The following WDR11 variants were observed in gnomAD, a reference collection of about 807,000 sequenced individuals.
WDR11 encodes the protein WD repeat-containing protein 11.
Under a neutral mutation model 151.2 loss-of-function variants are expected in WDR11, and 83 were observed. That is an observed-to-expected ratio of 0.55 (90% CI 0.46 to 0.66). The LOEUF is 0.66. WDR11 is among the 30% of genes least tolerant of loss of function. The probability of loss-of-function intolerance (pLI) is 0.00; values close to 1 mark genes in which losing one functional copy is unlikely to be tolerated. For synonymous variants in WDR11, 484 were observed against 533.1 expected (o/e 0.91, Z 1.27); for missense variants, 1,301 against 1,480.9 (o/e 0.88, Z 1.99).
chr10:120,865,907 T>G (rs1846295623), intron 7 of WDR11, among the ~76,000 whole-genome samples, 163 bp downstream of exon 7: 1 of 152,170 alleles, frequency 6.6e-6, no homozygotes, highest in African/African-American at 2.4e-5. Flanking sequence ...AAGCCCAAGA[T>G]TAATCTCTTG....
At chr10:120,901,444 G>A (rs982230580) in intron 21 of WDR11, among the ~76,000 whole-genome samples, 1 of 152,150 alleles carries the variant, frequency 6.6e-6, no homozygotes, top group African/African-American at 2.4e-5. Flanking sequence ...GAGACGAATC[G>A]CAGGGTGATT....
chr10:120,885,800 C>T lies in WDR11; in HGVS notation c.1849-14C>T, dbSNP rs977986163. ...AACCTAGCACTTCTAGGTTTGTCTG[C>T]ATTTGCTTTACAGGAGTGGTCACCA... On this transcript the variant is annotated splice_polypyrimidine_tract_variant and intron_variant, in intron 14 of 28. Transcript: ENST00000263461. 13 of 1,613,348 alleles carry T rather than the reference C, an allele frequency of 8.1e-6. No individual in the cohort carries two copies. Among genetic ancestry groups the T allele is most frequent in the Non-Finnish European group, 1.1e-5 (13 of 1,179,470 alleles).
chr10:120,856,640 T>G (rs1254335633), intron 2 of WDR11, among the ~76,000 whole-genome samples: 1 of 151,742 alleles, frequency 6.6e-6, no homozygotes, highest in African/African-American at 2.4e-5. Flanking sequence ...GATGAAAAAT[T>G]TTTGTTTTTG....
At chr10:120,901,232 T>C in intron 21 of WDR11, 134 bp downstream of exon 21, 1 of 795,174 alleles carries the variant, frequency 1.3e-6, no homozygotes, top group South Asian at 1.6e-5. Flanking sequence ...CCATTCTGTT[T>C]AGAGGTTTGC....
intron 19 of WDR11, among the ~76,000 whole-genome samples, chr10:120,894,006 G>A (rs1194481048): frequency 4.0e-5 from 6 of 151,858 alleles, no homozygotes; most frequent in Non-Finnish European, 5.9e-5. Flanking sequence ...CTGTGCAGAA[G>A]CTCTTTAGTT....
intron 19 of WDR11, among the ~76,000 whole-genome samples, chr10:120,892,126 C>T (rs1847447992): frequency 6.6e-6 from 1 of 152,170 alleles, no homozygotes; most frequent in East Asian, 1.9e-4. Context: ...TTTTCCTTCA[C>T]TTTTAATATA....
intron 11 of WDR11, among the ~76,000 whole-genome samples, chr10:120,877,314 A>C (rs1590083026): frequency 2.0e-5 from 3 of 152,302 alleles, no homozygotes; most frequent in South Asian, 2.1e-4. Context: ...TTTTTATATG[A>C]ATTTTTCCTC....
chr10:120,895,183 C>G (rs1847566785), intron 19 of WDR11, among the ~76,000 whole-genome samples: 1 of 152,042 alleles, frequency 6.6e-6, no homozygotes. Context: ...CTGAACCATT[C>G]CAAGATTATT....
intron 19 of WDR11, among the ~76,000 whole-genome samples, chr10:120,893,847 C>A (rs1426647151): frequency 6.6e-6 from 1 of 150,734 alleles, no homozygotes; most frequent in South Asian, 2.1e-4. Context: ...CCTTCGCCCA[C>A]TTTTTGATGG....
intron 28 of WDR11, 112 bp from the exon 29 acceptor site, chr10:120,908,444 C>A: frequency 8.9e-7 from 1 of 1,128,836 alleles, no homozygotes; most frequent in Non-Finnish European, 1.3e-6. Context: ...GACACCAGGT[C>A]CCTTCCGAGC....
Position 120,890,761 on chromosome 10 carries a change from C to T in WDR11, c.2389C>T (p.Arg797Cys), listed in dbSNP as rs768541577. 6.2e-6 allele frequency: 10 copies of T among 1,614,006 alleles called. No individual in the cohort carries two copies. The highest frequency in any genetic ancestry group is 3.3e-5 in the Admixed American group (2 of 60,002). ...SLRSGRNVTF[R>C]ILDVDWCTSD... ...AAGAAGTGGCAGAAATGTGACCTTTCGTATATTGGATGTGGACTGGTGTAC... is the reference window on the plus strand; with the variant it reads ...AAGAAGTGGCAGAAATGTGACCTTTTGTATATTGGATGTGGACTGGTGTAC... Residue 797 changes from arginine to cysteine, a missense_variant, in exon 19 of 29, where the codon CGT becomes TGT. This residue lies in a region of WDR11 where 589 missense variants were observed against 670.6 expected (regional missense o/e 0.88). Transcript: ENST00000263461.
intron 13 of WDR11, among the ~76,000 whole-genome samples, chr10:120,882,380 A>G (rs1847040081): frequency 6.6e-6 from 1 of 151,864 alleles, no homozygotes; most frequent in South Asian, 2.1e-4. Context: ...TCAGGGTAAT[A>G]CTGACCTTGC....
At chr10:120,869,109 T>G (rs1018191699) in intron 9 of WDR11, among the ~76,000 whole-genome samples, 21 of 138,044 alleles carry the variant, frequency 1.5e-4, no homozygotes, top group African/African-American at 2.9e-4. Flanking sequence ...ATTACAGGTT[T>G]TTTTTTTTTT....
chr10:120,890,250 T>C (rs907163790), intron 18 of WDR11, among the ~76,000 whole-genome samples: 16 of 152,184 alleles, frequency 1.1e-4, no homozygotes, highest in African/African-American at 3.9e-4. Context: ...TTCACTCTTG[T>C]CGCCCAGGCT....
At chr10:120,864,498 C>A (rs996053029) in intron 5 of WDR11, among the ~76,000 whole-genome samples, 3 of 152,058 alleles carry the variant, frequency 2.0e-5, no homozygotes, top group African/African-American at 7.2e-5. Flanking sequence ...TATTTACACA[C>A]AAGAAAATGC....
At chr10:120,857,662 G>A (rs958291668) in intron 2 of WDR11, among the ~76,000 whole-genome samples, 5 of 152,162 alleles carry the variant, frequency 3.3e-5, no homozygotes, top group Non-Finnish European at 4.4e-5. Context: ...GAATACTACT[G>A]CAATTGGTTG....
chr10:120,880,591 G>A (rs1379389298), intron 12 of WDR11: 5 of 444,082 alleles, frequency 1.1e-5, no homozygotes, highest in East Asian at 4.5e-5. Context: ...CCTGGGAGGC[G>A]GAGGTTGCAG....
rs1374015947 is a variant in WDR11, at chr10:120,865,150, C to G, written c.817C>G (p.Leu273Val). The G allele has an allele frequency of 3.1e-6, 5 of 1,613,780 alleles. No individual in the cohort carries two copies. The South Asian group carries it at 3.3e-5, about 11-fold the overall frequency. ...TCCTCGAGAGATTTTAATCCTTGAC[C>G]TTGAGGTGAATCAGACGGTGGGTGT... ...LYPREILILD[L>V]EVNQTVGVIA... Residue 273 changes from leucine (L) to valine (V), a missense_variant, in exon 6 of 29, where the codon CTT (leucine) becomes GTT (valine). Transcript: ENST00000263461.
rs1400418923 is a variant in WDR11, at chr10:120,874,188, TTTTTGTTGTTGTTGTTGTTGTTTG to T, written c.1556+273_1556+296del. Among the ~76,000 whole-genome samples, 181 of 90,846 alleles carry T rather than the reference TTTTTGTTGTTGTTGTTGTTGTTTG, an allele frequency of 2.0e-3. 3 individuals are homozygous for T. The highest frequency in any genetic ancestry group is 3.6e-3 in the Non-Finnish European group (155 of 42,952). 59.6% of individuals were successfully genotyped at this position (90,846 alleles called of 152,430 possible). ...TGCGGTTTTTGCAGTTTTTTTTTTT[TTTTTGTTGTTGTTGTTGTTGTTTG>T]TTTTGTTTTGTTTTGTTTTTTTTAA... is the stretch of plus-strand genomic sequence containing the variant. On this transcript the variant is annotated intron_variant, in intron 11 of 28. Coordinates refer to ENST00000263461, the MANE Select transcript of WDR11 (RefSeq NM_018117.12).
Sources: gnomAD v4.1 joint callset for allele counts (sites outside exome capture counted in the v4.1 genomes callset) on GRCh38, gnomAD v4.1.1 for gene constraint, gnomAD v4.1.1 regional missense constraint, MANE v1.5 for transcripts, NCBI Gene and HGNC (gene_info 2026-07-23, HGNC 2026-07-21) for gene names.